The following KSR2 variants were observed in gnomAD, a reference collection of about 807,000 sequenced individuals.
KSR2 encodes kinase suppressor of ras 2.
A neutral mutation model predicts 107.8 loss-of-function variants in KSR2; 25 were observed. That is an observed-to-expected ratio of 0.23 (90% CI 0.17 to 0.32). The LOEUF (loss-of-function observed/expected upper bound fraction) is 0.32. KSR2 is among the 10% of genes least tolerant of loss of function. KSR2 has a pLI of 1.00. For missense variants in KSR2, 887 were observed against 1,268.9 expected (o/e 0.70, Z 4.57); for synonymous variants, 480 against 507.0 (o/e 0.95, Z 0.71).
intron 5 of KSR2, among the ~76,000 whole-genome samples, chr12:117,635,782 AT>A (rs1385882758): frequency 6.7e-6 from 1 of 149,652 alleles, no homozygotes; most frequent in African/African-American, 2.5e-5. Context: ...AAGAAACCAC[AT>A]TGGTATGTTA....
intron 14 of KSR2, among the ~76,000 whole-genome samples, chr12:117,486,383 G>A (rs566777962): frequency 1.7e-4 from 26 of 152,150 alleles, no homozygotes; most frequent in African/African-American, 6.3e-4. Context: ...CTGTTCCTCC[G>A]CAGTGAGCAC....
intron 1 of KSR2, among the ~76,000 whole-genome samples, chr12:117,932,735 G>A (rs910541816): frequency 6.6e-5 from 10 of 151,522 alleles, no homozygotes; most frequent in African/African-American, 1.2e-4. Flanking sequence ...TAAATAGGCC[G>A]GGTGCAGTGG....
At chr12:117,493,302 C>T (rs1472646419) in intron 14 of KSR2, among the ~76,000 whole-genome samples, 2 of 152,180 alleles carry the variant, frequency 1.3e-5, no homozygotes, top group African/African-American at 4.8e-5. Flanking sequence ...TCAAAATGCA[C>T]AATTGATCAG....
intron 1 of KSR2, among the ~76,000 whole-genome samples, chr12:117,960,658 G>A (rs1896635462): frequency 6.6e-6 from 1 of 152,172 alleles, no homozygotes; most frequent in Admixed American, 6.5e-5. Flanking sequence ...ATACCTAACT[G>A]CAGGCATCTG....
At chr12:117,694,560 G>A (rs1885969473) in intron 4 of KSR2, among the ~76,000 whole-genome samples, 1 of 152,058 alleles carries the variant, frequency 6.6e-6, no homozygotes, top group Non-Finnish European at 1.5e-5. Flanking sequence ...CCCACTTCTG[G>A]GTAAATACCC....
chr12:117,490,372 C>G (rs1045041107), intron 14 of KSR2, among the ~76,000 whole-genome samples: 4 of 152,212 alleles, frequency 2.6e-5, no homozygotes, highest in African/African-American at 7.2e-5. Flanking sequence ...TACAGGCTGA[C>G]ATGTCCTGGG....
At chr12:117,916,861 C>T (rs1411284117) in intron 1 of KSR2, among the ~76,000 whole-genome samples, 1 of 152,226 alleles carries the variant, frequency 6.6e-6, no homozygotes, top group Non-Finnish European at 1.5e-5. Flanking sequence ...CTAGAATGAA[C>T]TGGTTTTGCA....
chr12:117,611,618 T>C (rs1021868958), intron 5 of KSR2, among the ~76,000 whole-genome samples: 12 of 152,138 alleles, frequency 7.9e-5, no homozygotes, highest in African/African-American at 2.9e-4. Flanking sequence ...CCAAGATTCA[T>C]GATTGGCCAA....
chr12:117,609,360 C>T (rs895013085), intron 5 of KSR2, among the ~76,000 whole-genome samples: 9 of 152,184 alleles, frequency 5.9e-5, no homozygotes, highest in African/African-American at 1.9e-4. Flanking sequence ...ATATCAGTTG[C>T]CCCAGCTCAT....
chr12:117,865,876 G>A (rs1187838979), intron 1 of KSR2, among the ~76,000 whole-genome samples: 3 of 152,066 alleles, frequency 2.0e-5, no homozygotes, highest in Admixed American at 6.6e-5. Flanking sequence ...GTGGTACCCA[G>A]GCATAGTGTT....
At chr12:117,662,973 T>A (rs1374362803) in intron 5 of KSR2, among the ~76,000 whole-genome samples, 1 of 152,232 alleles carries the variant, frequency 6.6e-6, no homozygotes, top group Admixed American at 6.5e-5. Context: ...CGGGGATGGC[T>A]ACAACCTGGG....
chr12:117,484,897 C>A (rs927769723), intron 15 of KSR2, among the ~76,000 whole-genome samples: 1 of 152,214 alleles, frequency 6.6e-6, no homozygotes. Flanking sequence ...ACTAACTCTT[C>A]CGCAAGACTA....
intron 14 of KSR2, among the ~76,000 whole-genome samples, chr12:117,513,181 A>T (rs893910726): frequency 6.6e-6 from 1 of 152,096 alleles, no homozygotes; most frequent in African/African-American, 2.4e-5. Context: ...ATATTAATAC[A>T]TCTATTGATT....
At position 117,907,776 on chromosome 12, in the gene KSR2, G is replaced by GT. The variant is rs979919170; in HGVS notation, c.181-47346dup. Among the ~76,000 whole-genome samples the GT allele has an allele frequency of 4.2e-4, 62 of 149,388 alleles. No homozygotes were observed. Among genetic ancestry groups the GT allele is most frequent in the Non-Finnish European group, 5.8e-4 (39 of 67,124 alleles). ...ATTGTAACCACGTCAATTTTTTTAG[G>GT]TTTTTTTTTTCTTTTTTCTTCCTAT... is the stretch of plus-strand genomic sequence containing the variant. On this transcript the variant is annotated intron_variant, in intron 1 of 19. Transcript: ENST00000339824. The surrounding 1 kb of genome is among the most constrained non-coding windows in gnomAD (Gnocchi z 4.3).
At chr12:117,739,933 AT>A (rs1299971801) in intron 4 of KSR2, among the ~76,000 whole-genome samples, 1 of 150,930 alleles carries the variant, frequency 6.6e-6, no homozygotes, top group African/African-American at 2.4e-5. Flanking sequence ...TTTTTTTTAA[AT>A]TTCTTATTTC....
chr12:117,711,373 T>G (rs1886771971), intron 4 of KSR2, among the ~76,000 whole-genome samples: 1 of 152,202 alleles, frequency 6.6e-6, no homozygotes, highest in Non-Finnish European at 1.5e-5. Flanking sequence ...GCAAAGGCCC[T>G]GAGGCAGGAA....
At chr12:117,883,662 G>A (rs1278874933) in intron 1 of KSR2, among the ~76,000 whole-genome samples, 1 of 152,060 alleles carries the variant, frequency 6.6e-6, no homozygotes, top group Non-Finnish European at 1.5e-5. Context: ...ATTCAGAGCT[G>A]GAATATTATG....
intron 1 of KSR2, among the ~76,000 whole-genome samples, chr12:117,891,740 AC>A (rs1894348806): frequency 6.6e-6 from 1 of 152,210 alleles, no homozygotes; most frequent in Admixed American, 6.5e-5. Flanking sequence ...CAATCCTAGC[AC>A]TTTGGGAGGC....
intron 4 of KSR2, among the ~76,000 whole-genome samples, chr12:117,738,629 C>T (rs1398665122): frequency 6.6e-6 from 1 of 152,076 alleles, no homozygotes. Context: ...AATCCCAGCA[C>T]TTTGGGAGGC....
Sources: allele counts gnomAD v4.1 joint callset (sites outside exome capture counted in the v4.1 genomes callset), GRCh38; gene constraint gnomAD v4.1.1; non-coding constraint Gnocchi (gnomAD v3.1); transcripts MANE v1.5; gene names NCBI Gene and HGNC (gene_info 2026-07-23, HGNC 2026-07-21).